The following CLSTN2 variants were observed in gnomAD, a reference collection of about 807,000 sequenced individuals.
CLSTN2 encodes calsyntenin-2.
CLSTN2 carries 48 observed loss-of-function variants against 101.2 expected under a neutral mutation model. The ratio of observed to expected loss-of-function variants is 0.47; its 90% CI spans 0.38 to 0.60. The LOEUF (loss-of-function observed/expected upper bound fraction) is 0.60. CLSTN2 is among the 20% of genes least tolerant of loss of function. CLSTN2 has a pLI of 0.00. For synonymous variants in CLSTN2, 481 were observed against 463.6 expected, an observed-to-expected ratio of 1.04 and a Z score of -0.48; for missense variants, 1,160 against 1,238.2, an observed-to-expected ratio of 0.94 and a Z score of 0.95.
At chr3:140,483,425 T>C (rs552669539) in intron 8 of CLSTN2, among the ~76,000 whole-genome samples, 1 of 152,320 alleles carries the variant, frequency 6.6e-6, no homozygotes, top group South Asian at 2.1e-4. Flanking sequence ...TTCTGTTGAT[T>C]TGGGGTGGAG....
chr3:140,037,235 T>C (rs898519683), intron 1 of CLSTN2, among the ~76,000 whole-genome samples: 1 of 152,214 alleles, frequency 6.6e-6, no homozygotes, highest in African/African-American at 2.4e-5. Flanking sequence ...TATGTACCTA[T>C]TACCCAGACC....
intron 2 of CLSTN2, among the ~76,000 whole-genome samples, chr3:140,186,040 G>A (rs1340118483): frequency 6.6e-6 from 1 of 152,184 alleles, no homozygotes. Context: ...TGTGTTAAGG[G>A]GACGTGGGGC....
At position 140,218,417 on chromosome 3, in the gene CLSTN2, T is replaced by A. The variant is rs1044919103; in HGVS notation, c.232+42344T>A. Among the ~76,000 whole-genome samples, 5 of 152,246 alleles carry A rather than the reference T, an allele frequency of 3.3e-5. No individual in the cohort carries two copies. The South Asian group carries it at 1.0e-3, about 32-fold the overall frequency. On this transcript the variant is annotated intron_variant, in intron 2 of 16. Transcript: ENST00000458420. ...TTGCTCACTTATTATTATCCTTACT[T>A]CTTGAGCTGAAAAGATCCATCCCAG...
At chr3:140,408,118 T>C (rs918188874) in intron 4 of CLSTN2, among the ~76,000 whole-genome samples, 3 of 152,134 alleles carry the variant, frequency 2.0e-5, no homozygotes, top group Non-Finnish European at 2.9e-5. Flanking sequence ...AGAATAATTG[T>C]GCAAAAAGAG....
intron 8 of CLSTN2, among the ~76,000 whole-genome samples, chr3:140,476,936 G>C (rs553211594): frequency 6.6e-6 from 1 of 152,294 alleles, no homozygotes; most frequent in South Asian, 2.1e-4. Context: ...TGGGATTACA[G>C]GTGTGAGCCA....
At chr3:140,392,220 A>C (rs760093951) in intron 2 of CLSTN2, among the ~76,000 whole-genome samples, 1 of 151,076 alleles carries the variant, frequency 6.6e-6, no homozygotes, top group African/African-American at 2.4e-5. Flanking sequence ...CCACATTTAA[A>C]AAAAAGAAAT....
At chr3:140,178,202 A>G (rs1386231865) in intron 2 of CLSTN2, among the ~76,000 whole-genome samples, 1 of 152,216 alleles carries the variant, frequency 6.6e-6, no homozygotes, top group Non-Finnish European at 1.5e-5. Context: ...GTTCTACAGT[A>G]AAGTTATAAG....
At chr3:140,304,301 T>C (rs2087090082) in intron 2 of CLSTN2, among the ~76,000 whole-genome samples, 2 of 152,336 alleles carry the variant, frequency 1.3e-5, no homozygotes, top group South Asian at 4.1e-4. Context: ...GCGTCTTAGT[T>C]GGACAGCCAT....
intron 8 of CLSTN2, among the ~76,000 whole-genome samples, chr3:140,515,681 G>T (rs997922377): frequency 4.6e-5 from 7 of 151,978 alleles, no homozygotes; most frequent in Non-Finnish European, 8.8e-5. Context: ...TGGTTTTGAG[G>T]GTTCTTTTTG....
chr3:140,184,903 C>G (rs1394959949), intron 2 of CLSTN2, among the ~76,000 whole-genome samples: 1 of 152,116 alleles, frequency 6.6e-6, no homozygotes, highest in Non-Finnish European at 1.5e-5. Flanking sequence ...CGCACATATA[C>G]ACCATGGGAA....
In CLSTN2 at chr3:140,415,486, C is replaced by CAAAAAAAAAAAAAAAAA. The variant is rs751616049; in HGVS notation, c.638-5631_638-5615dup. On this transcript the variant is annotated intron_variant, in intron 4 of 16. Coordinates refer to ENST00000458420, the MANE Select transcript of CLSTN2 (RefSeq NM_022131.3). ...GAGGAACTCATATAACACAAAATAG[C>CAAAAAAAAAAAAAAAAA]AAAAAAAAAAAAAAAAAAAAAAAAC... Among the ~76,000 whole-genome samples the CAAAAAAAAAAAAAAAAA allele has an allele frequency of 2.7e-3, 154 of 56,836 alleles. 1 individual carries two copies. The highest frequency in any genetic ancestry group is 0.025 in the Middle Eastern group (1 of 40). The allele number at this position is 56,836 out of a possible 152,430, so 37.3% of individuals were successfully genotyped here. A position where few individuals can be genotyped will look rare whatever the true frequency, so the allele number is the denominator to read the frequency against.
At chr3:140,409,466 G>A (rs1576552665) in intron 4 of CLSTN2, among the ~76,000 whole-genome samples, 1 of 152,244 alleles carries the variant, frequency 6.6e-6, no homozygotes, top group African/African-American at 2.4e-5. Context: ...AAAACCTGGA[G>A]CCACCCATAC....
At chr3:140,047,664 ACT>A (rs2007907727) in intron 1 of CLSTN2, among the ~76,000 whole-genome samples, 1 of 151,956 alleles carries the variant, frequency 6.6e-6, no homozygotes, top group South Asian at 2.1e-4. Context: ...ACTGGTGGGG[ACT>A]CTCTGTGGAG....
intron 1 of CLSTN2, among the ~76,000 whole-genome samples, chr3:140,169,036 G>A (rs551025369): frequency 2.0e-5 from 3 of 151,950 alleles, no homozygotes; most frequent in Non-Finnish European, 4.4e-5. Context: ...AATCCTGCTG[G>A]TAATTTTGGT....
intron 1 of CLSTN2, among the ~76,000 whole-genome samples, chr3:140,059,059 G>T (rs199655998): frequency 6.6e-6 from 1 of 152,260 alleles, no homozygotes; most frequent in Non-Finnish European, 1.5e-5. Context: ...TGATGTTGGG[G>T]TGTGGGCTCT....
intron 1 of CLSTN2, among the ~76,000 whole-genome samples, chr3:140,135,101 C>CAT (rs2009589003): frequency 6.7e-4 from 32 of 47,588 alleles, no homozygotes; most frequent in African/African-American, 3.5e-3. Context: ...CACACACACA[C>CAT]ACACACACAC....
rs2009509933 is a variant in CLSTN2, at chr3:140,130,753, A to G, written c.110-45198A>G. On this transcript the variant is annotated intron_variant, in intron 1 of 16. Transcript: ENST00000458420. Reference sequence around the variant, plus strand: ...CCTGGAGGCCTTCTCAGGGGAAGAAAGAGGTGGCTATGTTTTCCTGTGTGT... The same window carrying G: ...CCTGGAGGCCTTCTCAGGGGAAGAAGGAGGTGGCTATGTTTTCCTGTGTGT... Among the ~76,000 whole-genome samples the G allele has an allele frequency of 2.0e-5, 3 of 152,140 alleles. No homozygotes were observed. In the South Asian group the frequency reaches 6.2e-4, roughly 32 times the overall value.
intron 8 of CLSTN2, among the ~76,000 whole-genome samples, chr3:140,517,617 C>T (rs958216262): frequency 1.3e-5 from 2 of 152,158 alleles, no homozygotes; most frequent in African/African-American, 4.8e-5. Flanking sequence ...AGCAGAACTA[C>T]TGGGCTCCAG....
At chr3:140,071,293 A>C (rs914221687) in intron 1 of CLSTN2, among the ~76,000 whole-genome samples, 1 of 152,210 alleles carries the variant, frequency 6.6e-6, no homozygotes, top group Admixed American at 6.5e-5. Context: ...TGGGTACAAT[A>C]GTCAGTAAAA....
Sources: allele counts gnomAD v4.1 joint callset (sites outside exome capture counted in the v4.1 genomes callset), GRCh38; gene constraint gnomAD v4.1.1; transcripts MANE v1.5; gene names NCBI Gene and HGNC (gene_info 2026-07-23, HGNC 2026-07-21).